The following KIAA1671 variants were observed in gnomAD, a reference collection of about 807,000 sequenced individuals.
KIAA1671 encodes the protein uncharacterized protein KIAA1671.
In KIAA1671, 52 loss-of-function variants were observed where a neutral mutation model predicts 131.2. That is an observed-to-expected ratio of 0.40 (90% confidence interval 0.32 to 0.50). KIAA1671 has a LOEUF of 0.50. Among genes scored for constraint, KIAA1671 ranks in the 20% least tolerant of loss-of-function variants. KIAA1671 has a pLI of 0.73. For synonymous variants in KIAA1671, 1,003 were observed against 961.6 expected (o/e 1.04, Z -0.80); for missense variants, 2,360 against 2,364.2 (o/e 1.00, Z 0.04).
At chr22:25,113,721 A>T (rs1390592221) in intron 6 of KIAA1671, among the ~76,000 whole-genome samples, 1 of 152,220 alleles carries the variant, frequency 6.6e-6, no homozygotes, top group Non-Finnish European at 1.5e-5. Flanking sequence ...CGTCTCCTTC[A>T]CAGTGGGTCT....
chr22:25,036,918 CCATCTCAAAAA>C (rs2145800687), intron 4 of KIAA1671, among the ~76,000 whole-genome samples: 1 of 151,876 alleles, frequency 6.6e-6, no homozygotes, highest in Admixed American at 6.6e-5. Flanking sequence ...GAGCGAAACT[CCATCTCAAAAA>C]ATAAAAATAA....
chr22:25,187,492 A>C (rs1934518642), intron 11 of KIAA1671, among the ~76,000 whole-genome samples: 1 of 151,896 alleles, frequency 6.6e-6, no homozygotes, highest in Admixed American at 6.6e-5. Flanking sequence ...TTTCTTGAAT[A>C]AAGTTTTAAA....
intron 6 of KIAA1671, among the ~76,000 whole-genome samples, chr22:25,158,167 A>G (rs932126727): frequency 2.4e-4 from 37 of 152,232 alleles, no homozygotes; most frequent in African/African-American, 8.7e-4. Context: ...AGCAACAAGA[A>G]TTAAATTTTA....
In KIAA1671 at chr22:25,114,763, CT is replaced by C. The variant is rs565402143; in HGVS notation, c.4531-56052del. 9.2e-5 allele frequency among the ~76,000 whole-genome samples: 14 copies of C among 152,318 alleles called. No homozygotes were observed. In the South Asian group the frequency reaches 2.9e-3, roughly 32 times the overall value. ...ATGAGCTGGAAAACCCACACACGCC[CT>C]TTTTACTCAGGGACTTCACTTAAAT... On this transcript the variant is annotated intron_variant, in intron 6 of 12. Transcript: ENST00000358431.
chr22:25,037,839 TTTTA>T (rs1439815862), intron 4 of KIAA1671, among the ~76,000 whole-genome samples: 2 of 152,116 alleles, frequency 1.3e-5, no homozygotes, highest in African/African-American at 4.8e-5. Flanking sequence ...ATTTAATTCC[TTTTA>T]TTTATTTATT....
chr22:24,982,270 AGTGTC>A, intron 1 of KIAA1671, among the ~76,000 whole-genome samples: 1 of 152,368 alleles, frequency 6.6e-6, no homozygotes, highest in Admixed American at 6.5e-5. Context: ...GAAATCAAAC[AGTGTC>A]ATCAAGTTCC....
chr22:25,095,401 C>G (rs1930346044), intron 6 of KIAA1671, among the ~76,000 whole-genome samples: 1 of 152,178 alleles, frequency 6.6e-6, no homozygotes, highest in Non-Finnish European at 1.5e-5. Context: ...CCTGTAATCC[C>G]AGCACTTTGG....
At chr22:25,061,845 C>T (rs1385080915) in intron 6 of KIAA1671, 1 of 152,330 alleles carries the variant, frequency 6.6e-6, no homozygotes, top group Non-Finnish European at 1.5e-5. Flanking sequence ...CGCTGCTGGC[C>T]CTGCGCATGC....
At chr22:25,184,371 T>C (rs1191796641) in intron 10 of KIAA1671, among the ~76,000 whole-genome samples, 1 of 152,202 alleles carries the variant, frequency 6.6e-6, no homozygotes, top group East Asian at 1.9e-4. Context: ...GGGTGATCAG[T>C]GCACAGAAGC....
rs1925913875 is a variant in KIAA1671 at position 25,025,723 on chromosome 22, CAT to C, written c.-116_-115del. ...GTGTGGACAGCCCCATTCATGATGA[CAT>C]GTGACACTACTGGCTTTTCCCGGCA... is the stretch of plus-strand genomic sequence containing the variant. On this transcript the variant is annotated 5_prime_UTR_variant, in exon 2 of 13. It removes an upstream start codon present in the reference 5' UTR. Coordinates refer to ENST00000358431, the MANE Select transcript of KIAA1671 (RefSeq NM_001145206.2). 1 of 152,198 alleles carries C rather than the reference CAT, an allele frequency of 6.6e-6. No homozygotes were observed. The highest frequency in any genetic ancestry group is 2.4e-5 in the African/African-American group (1 of 41,444). 9.4% of individuals were successfully genotyped at this position (152,198 alleles called of 1,614,324 possible).
intron 6 of KIAA1671, among the ~76,000 whole-genome samples, chr22:25,150,784 T>A (rs975177277): frequency 5.6e-4 from 84 of 150,926 alleles, no homozygotes; most frequent in Non-Finnish European, 1.6e-4. Context: ...GGTGGGAAAA[T>A]CATAATGTGT....
chr22:24,980,270 ATTTT>A (rs59392276), intron 1 of KIAA1671, among the ~76,000 whole-genome samples: 4 of 119,234 alleles, frequency 3.4e-5, no homozygotes, highest in Non-Finnish European at 7.1e-5. Context: ...AGTTTCTTTG[ATTTT>A]TTTTTTTTTT....
intron 6 of KIAA1671, among the ~76,000 whole-genome samples, chr22:25,106,415 T>C (rs534840077): frequency 3.4e-4 from 52 of 152,322 alleles, no homozygotes; most frequent in African/African-American, 1.2e-3. Context: ...TCACAGCAGC[T>C]GACGTGTGTG....
At position 25,196,537 on chromosome 22, in the gene KIAA1671, C is replaced by T. The variant is rs1317130381; in HGVS notation, c.*4136C>T. Reference sequence around the variant, plus strand: ...CCAGCCTCCAACTCCTGGGCTCAAGCAATCCTCTCATCTCCACCTCCAGAG... The same window carrying T: ...CCAGCCTCCAACTCCTGGGCTCAAGTAATCCTCTCATCTCCACCTCCAGAG... On this transcript the variant is annotated 3_prime_UTR_variant, in exon 13 of 13. Coordinates refer to ENST00000358431, the MANE Select transcript of KIAA1671 (RefSeq NM_001145206.2). The T allele has an allele frequency of 2.0e-5, 3 of 152,136 alleles. No homozygotes were observed. The highest frequency in any genetic ancestry group is 7.2e-5 in the African/African-American group (3 of 41,412). 9.4% of individuals were successfully genotyped at this position (152,136 alleles called of 1,614,324 possible).
At chr22:25,181,889 A>T in intron 10 of KIAA1671, 66 bp downstream of exon 10, 1 of 1,513,816 alleles carries the variant, frequency 6.6e-7, no homozygotes, top group Non-Finnish European at 8.9e-7. Flanking sequence ...TGTAAAGAAT[A>T]GATTCCGGCT....
chr22:25,012,203 A>T (rs1383608714), intron 1 of KIAA1671: 1 of 152,060 alleles, frequency 6.6e-6, no homozygotes, highest in Non-Finnish European at 1.5e-5. Context: ...TAAAAACCCC[A>T]AGAGTTATTA....
intron 1 of KIAA1671, chr22:25,023,358 C>T (rs1925775369): frequency 6.6e-6 from 1 of 152,082 alleles, no homozygotes; most frequent in African/African-American, 2.4e-5. Flanking sequence ...CAAAGTGAGA[C>T]TGTCTAAAAA....
At chr22:24,982,851 G>A (rs963399794) in intron 1 of KIAA1671, among the ~76,000 whole-genome samples, 14 of 152,204 alleles carry the variant, frequency 9.2e-5, no homozygotes, top group East Asian at 3.9e-4. Flanking sequence ...GAGTGCCAGC[G>A]TCTTGGCTCC....
At position 25,170,810 on chromosome 22, in the gene KIAA1671, G is replaced by C; in HGVS notation, c.4531-10G>C. The C allele has an allele frequency of 6.4e-7, 1 of 1,551,364 alleles. No individual in the cohort carries two copies. The highest frequency in any genetic ancestry group is 8.7e-7 in the Non-Finnish European group (1 of 1,146,696). The stretch of plus-strand genomic sequence containing the variant: ...CTGGTAGAAATCTCACATCTGGCTT[G>C]TCTTTGCAGGACCAGCTGAAGCAGT... On this transcript the variant is annotated splice_polypyrimidine_tract_variant and intron_variant, in intron 6 of 12. Transcript: ENST00000358431.
Sources: gnomAD v4.1 joint callset for allele counts (sites outside exome capture counted in the v4.1 genomes callset) on GRCh38, gnomAD v4.1.1 for gene constraint, MANE v1.5 for transcripts, NCBI Gene and HGNC (gene_info 2026-07-23, HGNC 2026-07-21) for gene names.